The following DIAPH2 variants were observed in gnomAD, a reference collection of about 807,000 sequenced individuals.
The protein encoded by DIAPH2 is protein diaphanous homolog 2.
In DIAPH2, 35 loss-of-function variants were observed where a neutral mutation model predicts 92.7. The observed-to-expected ratio is 0.38, with a 90% CI of 0.29 to 0.50. The LOEUF is 0.50. Ranked by LOEUF, DIAPH2 falls within the 20% of genes least tolerant of loss-of-function variation. DIAPH2 has a pLI of 0.94. For synonymous variants in DIAPH2, 301 were observed against 280.4 expected, an observed-to-expected ratio of 1.07 and a Z score of -0.73; for missense variants, 701 against 819.5, an observed-to-expected ratio of 0.86 and a Z score of 1.77.
chrX:97,425,294 GAC>G (rs899158876), intron 25 of DIAPH2, among the ~76,000 whole-genome samples: 3 of 111,565 alleles, frequency 2.7e-5, no homozygotes, highest in African/African-American at 9.8e-5. Context: ...TTAGTCAAAA[GAC>G]ACAAAATTTC....
At chrX:97,431,513 T>C (rs971816825) in intron 26 of DIAPH2, 16 of 112,556 alleles carry the variant, frequency 1.4e-4, no homozygotes, top group African/African-American at 4.8e-4. Context: ...CAAGGGAATA[T>C]AGTGTTGTCA....
intron 4 of DIAPH2, among the ~76,000 whole-genome samples, chrX:96,846,135 G>A (rs1212392856): frequency 1.2e-5 from 1 of 80,385 alleles, no homozygotes; most frequent in Non-Finnish European, 2.2e-5. Flanking sequence ...CTCTGCATTA[G>A]CGTTATACTT....
rs2071576565 is a variant in DIAPH2, at chrX:97,599,282, C to CCTTTGTA, written c.3271_3272insCTTTGTA (p.Arg1091ProfsTer3). On this transcript the variant is annotated stop_gained and frameshift_variant, in exon 27 of 27. Coordinates refer to ENST00000324765, the MANE Select transcript of DIAPH2 (RefSeq NM_006729.5). LOFTEE classifies it high-confidence loss of function. ...CAGACGAGTACCTTTGGAAAGGTCA[C>CCTTTGTA]GCTCTCGCCACAATGGAGCTATCTC... The CCTTTGTA allele has an allele frequency of 8.4e-7, 1 of 1,193,201 alleles. No individual in the cohort carries two copies. The highest frequency in any genetic ancestry group is 1.8e-5 in the African/African-American group (1 of 56,837).
chrX:97,043,649 T>G (rs1206755868), intron 17 of DIAPH2, among the ~76,000 whole-genome samples: 1 of 111,026 alleles, frequency 9.0e-6, no homozygotes, highest in Non-Finnish European at 1.9e-5. Flanking sequence ...GCAAGAAGGC[T>G]GCATGTAAGT....
At chrX:97,351,616 C>CCATCCTGGCTAA in intron 24 of DIAPH2, among the ~76,000 whole-genome samples, 1 of 110,328 alleles carries the variant, frequency 9.1e-6, no homozygotes, top group Non-Finnish European at 1.9e-5. Flanking sequence ...GAGATCGAGA[C>CCATCCTGGCTAA]CACGGTGAAA....
At chrX:97,418,720 A>T (rs2069975421) in intron 25 of DIAPH2, among the ~76,000 whole-genome samples, 1 of 111,972 alleles carries the variant, frequency 8.9e-6, no homozygotes, top group Non-Finnish European at 1.9e-5. Context: ...AGCTGAGTTT[A>T]TTCAGTGTTA....
intron 23 of DIAPH2, among the ~76,000 whole-genome samples, chrX:97,325,664 G>A (rs1383787495): frequency 9.3e-6 from 1 of 108,104 alleles, no homozygotes; most frequent in African/African-American, 3.4e-5. Flanking sequence ...TGCAAGCTCC[G>A]CGTCCCGGGT....
At chrX:96,845,625 A>G (rs1019840111) in intron 4 of DIAPH2, among the ~76,000 whole-genome samples, 4 of 112,307 alleles carry the variant, frequency 3.6e-5, no homozygotes, top group Non-Finnish European at 7.5e-5. Context: ...TACAATGATT[A>G]TTTGGGGTTA....
At chrX:97,334,699 C>A (rs191189267) in intron 23 of DIAPH2, among the ~76,000 whole-genome samples, 1,197 of 102,259 alleles carry the variant, frequency 0.012, 19 homozygotes, top group African/African-American at 0.04. Flanking sequence ...AAAAAAAAAA[C>A]AGAGCAGGCA....
intron 26 of DIAPH2, among the ~76,000 whole-genome samples, chrX:97,502,323 G>A (rs371554619): frequency 2.7e-5 from 3 of 111,955 alleles, no homozygotes; most frequent in East Asian, 2.8e-4. Context: ...AAACTCAGGC[G>A]GGACTTTCAA....
At chrX:97,276,911 G>C (rs968517310) in intron 23 of DIAPH2, among the ~76,000 whole-genome samples, 1 of 112,552 alleles carries the variant, frequency 8.9e-6, no homozygotes, top group African/African-American at 3.2e-5. Context: ...TAGAAAAACT[G>C]ATTGAAATGA....
intron 17 of DIAPH2, among the ~76,000 whole-genome samples, chrX:97,043,617 T>C (rs2066461584): frequency 9.0e-6 from 1 of 110,979 alleles, no homozygotes; most frequent in South Asian, 3.8e-4. Context: ...TTTTAATATT[T>C]ATAAAGTATT....
chrX:96,875,786 G>C (rs1413588576), intron 4 of DIAPH2, among the ~76,000 whole-genome samples: 4 of 110,708 alleles, frequency 3.6e-5, no homozygotes, highest in African/African-American at 1.3e-4. Context: ...AAGACTTAAA[G>C]GTTAGACCTA....
chrX:97,382,411 T>C (rs752375680), intron 24 of DIAPH2, among the ~76,000 whole-genome samples: 1 of 111,972 alleles, frequency 8.9e-6, no homozygotes, highest in East Asian at 2.8e-4. Flanking sequence ...ACCAACATGG[T>C]GAAACCCCAG....
intron 4 of DIAPH2, among the ~76,000 whole-genome samples, chrX:96,785,475 CTTT>C (rs1157552270): frequency 4.7e-4 from 27 of 57,201 alleles, no homozygotes; most frequent in Non-Finnish European, 7.3e-4. Flanking sequence ...CCAAACTTGC[CTTT>C]TTTTTTTTTT....
intron 26 of DIAPH2, among the ~76,000 whole-genome samples, chrX:97,510,934 C>G (rs1167809578): frequency 2.8e-5 from 3 of 108,040 alleles, no homozygotes; most frequent in African/African-American, 1.0e-4. Flanking sequence ...AGTTTGAAGT[C>G]AGGTAGCGTG....
chrX:97,205,258 G>C, intron 22 of DIAPH2, among the ~76,000 whole-genome samples: 1 of 111,945 alleles, frequency 8.9e-6, no homozygotes, highest in African/African-American at 3.2e-5. Flanking sequence ...TCAGGACATA[G>C]GCATGGGCAA....
intron 26 of DIAPH2, among the ~76,000 whole-genome samples, chrX:97,438,475 C>T (rs2070218119): frequency 9.6e-6 from 1 of 103,920 alleles, no homozygotes; most frequent in Non-Finnish European, 1.9e-5. Context: ...AGATGATCCT[C>T]CCACCTCAGC....
intron 25 of DIAPH2, among the ~76,000 whole-genome samples, chrX:97,418,050 A>G (rs750511327): frequency 3.6e-5 from 4 of 111,590 alleles, no homozygotes; most frequent in African/African-American, 1.3e-4. Context: ...ACACTGAACA[A>G]AGGGCACCAT....
Sources: allele counts gnomAD v4.1 joint callset (sites outside exome capture counted in the v4.1 genomes callset), GRCh38; gene constraint gnomAD v4.1.1; transcripts MANE v1.5; gene names NCBI Gene and HGNC (gene_info 2026-07-23, HGNC 2026-07-21).